The following IKZF3 variants were observed in gnomAD, a reference collection of about 807,000 sequenced individuals.
IKZF3 encodes the protein zinc finger protein Aiolos.
Under a neutral mutation model 49.0 loss-of-function variants are expected in IKZF3, and 10 were observed. The ratio of observed to expected loss-of-function variants is 0.20; its 90% confidence interval spans 0.13 to 0.35. The LOEUF is 0.35. Ranked by LOEUF, IKZF3 falls within the 10% of genes least tolerant of loss-of-function variation. The pLI, the probability that IKZF3 is intolerant of heterozygous loss-of-function variation, is 1.00. For missense variants in IKZF3, 498 were observed against 664.8 expected, an observed-to-expected ratio of 0.75 and a Z score of 2.76; for synonymous variants, 209 against 228.2, an observed-to-expected ratio of 0.92 and a Z score of 0.76.
In IKZF3 at chr17:39,760,960, G is replaced by C. The variant is rs955659116; in HGVS notation, c.*4830C>G. Reference sequence around the variant, plus strand: ...GAGCCCAGGATTTTGAGACTAGCCTGGGCAGTATGGCGAAACGCCATCTCT... The same window carrying C: ...GAGCCCAGGATTTTGAGACTAGCCTCGGCAGTATGGCGAAACGCCATCTCT... On this transcript the variant is annotated 3_prime_UTR_variant, in exon 8 of 8. Coordinates refer to ENST00000346872, the MANE Select transcript of IKZF3 (RefSeq NM_012481.5). The C allele has an allele frequency of 6.6e-6, 1 of 152,114 alleles. No individual in the cohort carries two copies. Among genetic ancestry groups the C allele is most frequent in the African/African-American group, 2.4e-5 (1 of 41,412 alleles). The allele number at this position is 152,114 out of a possible 1,614,324, so 9.4% of individuals were successfully genotyped here.
chr17:39,805,491 G>T (rs998301497), intron 3 of IKZF3, among the ~76,000 whole-genome samples: 1 of 152,112 alleles, frequency 6.6e-6, no homozygotes, highest in African/African-American at 2.4e-5. Context: ...GTTCTTTTTA[G>T]CATTACATTA....
chr17:39,781,077 TGTAAATAACGG>T (rs2060730932), intron 6 of IKZF3, among the ~76,000 whole-genome samples: 1 of 152,204 alleles, frequency 6.6e-6, no homozygotes, highest in Non-Finnish European at 1.5e-5. Context: ...GACCAGCAGT[TGTAAATAACGG>T]GCACTTCAGC....
intron 1 of IKZF3, among the ~76,000 whole-genome samples, chr17:39,847,847 A>G (rs909128241): frequency 6.6e-6 from 1 of 152,240 alleles, no homozygotes. Context: ...CATTAAGAAG[A>G]GAAGCAGGAT....
chr17:39,835,939 C>G lies in IKZF3; in HGVS notation c.8-3788G>C, dbSNP rs1490579448. 9.2e-6 allele frequency: 6 copies of G among 653,170 alleles called. No individual in the cohort carries two copies. In the East Asian group the frequency reaches 2.0e-4, roughly 22 times the overall value. 40.5% of individuals were successfully genotyped at this position (653,170 alleles called of 1,614,324 possible). A position where few individuals can be genotyped will look rare whatever the true frequency, so the allele number is the denominator to read the frequency against. On this transcript the variant is annotated intron_variant, in intron 1 of 7. Transcript: ENST00000346872. ...AGATCTGCCTCCAGTTTCAGCTTCT[C>G]CTGGCCTAGAGTGTCCAGCTGCCAC...
intron 1 of IKZF3, among the ~76,000 whole-genome samples, chr17:39,848,799 C>A (rs1016037670): frequency 2.6e-5 from 4 of 152,154 alleles, no homozygotes; most frequent in Admixed American, 6.5e-5. Context: ...CCCACCTCAG[C>A]TTCCTGAGTA....
At chr17:39,830,051 C>T (rs2062068758) in intron 2 of IKZF3, among the ~76,000 whole-genome samples, 1 of 152,210 alleles carries the variant, frequency 6.6e-6, no homozygotes, top group Non-Finnish European at 1.5e-5. Flanking sequence ...TTAAAGGGCA[C>T]TCATGTTCCT....
intron 3 of IKZF3, among the ~76,000 whole-genome samples, chr17:39,823,403 A>G (rs573169140): frequency 1.3e-5 from 2 of 152,354 alleles, no homozygotes; most frequent in East Asian, 3.9e-4. Context: ...GAAAATTTGC[A>G]GCCTGACAAT....
chr17:39,834,689 G>T (rs1476257367), intron 1 of IKZF3, among the ~76,000 whole-genome samples: 1 of 152,100 alleles, frequency 6.6e-6, no homozygotes, highest in Non-Finnish European at 1.5e-5. Flanking sequence ...GTATGTTCTG[G>T]TTTTTGTTGG....
At chr17:39,774,186 T>A (rs2060517394) in intron 7 of IKZF3, among the ~76,000 whole-genome samples, 1 of 152,118 alleles carries the variant, frequency 6.6e-6, no homozygotes, top group African/African-American at 2.4e-5. Flanking sequence ...ACCTTTACCC[T>A]CACAGTTCAA....
intron 3 of IKZF3, among the ~76,000 whole-genome samples, chr17:39,800,359 T>C (rs911208730): frequency 6.6e-6 from 1 of 152,192 alleles, no homozygotes; most frequent in African/African-American, 2.4e-5. Context: ...AATCTATACA[T>C]GTAATTATAC....
At chr17:39,834,312 A>C (rs559520679) in intron 1 of IKZF3, among the ~76,000 whole-genome samples, 17 of 151,922 alleles carry the variant, frequency 1.1e-4, no homozygotes, top group Admixed American at 2.6e-4. Context: ...GGCTTAACTT[A>C]CTCTGCTTCT....
chr17:39,778,051 G>A (rs2060635160), intron 6 of IKZF3: 6 of 1,061,730 alleles, frequency 5.7e-6, no homozygotes, highest in East Asian at 1.4e-4. Context: ...CAGCCTGGAC[G>A]TGGTTGGTTG....
Position 39,757,842 on chromosome 17 carries a change from A to C in IKZF3, c.*7948T>G, listed in dbSNP as rs1303629400. ...AGGGTTAGCATTGTTACATTTCAGA[A>C]GCTGACTTTCTTTAAACCATCTTTA... On this transcript the variant is annotated 3_prime_UTR_variant, in exon 8 of 8. Coordinates refer to ENST00000346872, the MANE Select transcript of IKZF3 (RefSeq NM_012481.5). 1.3e-5 allele frequency: 2 copies of C among 152,246 alleles called. No individual in the cohort carries two copies. The highest frequency in any genetic ancestry group is 2.9e-5 in the Non-Finnish European group (2 of 68,040). 9.4% of individuals were successfully genotyped at this position (152,246 alleles called of 1,614,324 possible). A position where few individuals can be genotyped will look rare whatever the true frequency, so the allele number is the denominator to read the frequency against.
chr17:39,764,773 C>G lies in IKZF3; in HGVS notation c.*1017G>C, dbSNP rs2060251275. The G allele has an allele frequency of 6.6e-6, 1 of 152,192 alleles. No homozygotes were observed. The highest frequency in any genetic ancestry group is 1.5e-5 in the Non-Finnish European group (1 of 68,042). The allele number at this position is 152,192 out of a possible 1,614,324, so 9.4% of individuals were successfully genotyped here. On this transcript the variant is annotated 3_prime_UTR_variant, in exon 8 of 8. Transcript: ENST00000346872. ...CCCCATTCCGGAGCTCAACTCCGAT[C>G]TAAACACACATGCCATCTATCTCCA...
chr17:39,822,439 C>G (rs887822318), intron 3 of IKZF3, among the ~76,000 whole-genome samples: 2 of 152,186 alleles, frequency 1.3e-5, no homozygotes, highest in Admixed American at 1.3e-4. Context: ...CCCTCTGGCA[C>G]TCACTCTCTC....
At chr17:39,790,001 C>T (rs2060977898) in intron 5 of IKZF3, among the ~76,000 whole-genome samples, 1 of 151,882 alleles carries the variant, frequency 6.6e-6, no homozygotes, top group Non-Finnish European at 1.5e-5. Flanking sequence ...TTCATGCAAA[C>T]TTTATTCTGC....
At position 39,759,363 on chromosome 17, in the gene IKZF3, C is replaced by T. The variant is rs1371625730; in HGVS notation, c.*6427G>A. 6.6e-6 allele frequency: 1 copy of T among 151,796 alleles called. No homozygotes were observed. The highest frequency in any genetic ancestry group is 6.6e-5 in the Admixed American group (1 of 15,222). The allele number at this position is 151,796 out of a possible 1,614,324, so 9.4% of individuals were successfully genotyped here. On this transcript the variant is annotated 3_prime_UTR_variant, in exon 8 of 8. Coordinates refer to ENST00000346872, the MANE Select transcript of IKZF3 (RefSeq NM_012481.5). ...GCTTGAGCCCAGGAGGTTGAGGCGG[C>T]AAGTAAGCCTTGATTGTGCCACTGC...
chr17:39,803,267 C>T (rs1225120629), intron 3 of IKZF3, among the ~76,000 whole-genome samples: 1 of 152,094 alleles, frequency 6.6e-6, no homozygotes, highest in East Asian at 1.9e-4. Flanking sequence ...CCCATTATAA[C>T]AATTACTTTT....
At chr17:39,860,103 G>A (rs1444319024) in intron 1 of IKZF3, among the ~76,000 whole-genome samples, 1 of 152,076 alleles carries the variant, frequency 6.6e-6, no homozygotes, top group Non-Finnish European at 1.5e-5. Flanking sequence ...GCAGGTCATG[G>A]CGGTTTGTAC....
Sources: gnomAD v4.1 joint callset for allele counts (sites outside exome capture counted in the v4.1 genomes callset) on GRCh38, gnomAD v4.1.1 for gene constraint, MANE v1.5 for transcripts, NCBI Gene and HGNC (gene_info 2026-07-23, HGNC 2026-07-21) for gene names.